Variants in ITGBL1 observed in about 807,000 individuals in gnomAD.
The protein encoded by ITGBL1 is integrin subunit beta like 1.
ITGBL1 carries 51 observed loss-of-function variants against 68.5 expected under a neutral mutation model. The observed-to-expected ratio is 0.74, with a 90% CI of 0.59 to 0.94. The LOEUF (loss-of-function observed/expected upper bound fraction) is 0.94, where lower values mean the gene tolerates loss of function less well. Among genes scored for constraint, ITGBL1 ranks in the 40% least tolerant of loss-of-function variants. The pLI, the probability that ITGBL1 is intolerant of heterozygous loss-of-function variation, is 0.00. For missense variants in ITGBL1, 649 were observed against 647.4 expected, an observed-to-expected ratio of 1.00 and a Z score of -0.03; for synonymous variants, 209 against 227.3, an observed-to-expected ratio of 0.92 and a Z score of 0.72.
intron 7 of ITGBL1, among the ~76,000 whole-genome samples, chr13:101,653,825 A>C (rs950479628): frequency 9.4e-5 from 14 of 148,890 alleles, no homozygotes; most frequent in Admixed American, 8.0e-4. Flanking sequence ...AGTAGCTGGG[A>C]CTACAGGTGC....
chr13:101,536,416 T>C (rs1261249873), intron 2 of ITGBL1, among the ~76,000 whole-genome samples: 2 of 151,962 alleles, frequency 1.3e-5, no homozygotes, highest in African/African-American at 4.8e-5. Flanking sequence ...AATTGTAAAA[T>C]AAATAACCAT....
chr13:101,608,122 T>C (rs1206388093), intron 7 of ITGBL1, among the ~76,000 whole-genome samples: 1 of 152,086 alleles, frequency 6.6e-6, no homozygotes, highest in Non-Finnish European at 1.5e-5. Context: ...TTATTTAATA[T>C]TGTAACTTCT....
At chr13:101,558,231 A>T (rs1205054569) in intron 2 of ITGBL1, among the ~76,000 whole-genome samples, 1 of 152,094 alleles carries the variant, frequency 6.6e-6, no homozygotes, top group Non-Finnish European at 1.5e-5. Context: ...CAGATATTGC[A>T]TGTTCTCACT....
chr13:101,488,914 T>G (rs1404120484), intron 2 of ITGBL1, among the ~76,000 whole-genome samples: 2 of 152,156 alleles, frequency 1.3e-5, no homozygotes, highest in African/African-American at 4.8e-5. Flanking sequence ...CAGGAAGCCA[T>G]TTTGCCTGCA....
rs534099748 is a variant in ITGBL1, at chr13:101,695,119, G to T, written c.1132+2418G>T. ...ATTCAATGGGAATATACATAACGGG[G>T]ATTTAACATAGGCTGAAGGCTAAGA... On this transcript the variant is annotated intron_variant, in intron 8 of 10. Transcript: ENST00000376180. 4.6e-5 allele frequency among the ~76,000 whole-genome samples: 7 copies of T among 152,212 alleles called. 1 individual carries two copies. The highest frequency in any genetic ancestry group is 1.7e-4 in the African/African-American group (7 of 41,542).
intron 7 of ITGBL1, among the ~76,000 whole-genome samples, chr13:101,602,959 T>C (rs1306060722): frequency 1.3e-5 from 2 of 152,156 alleles, no homozygotes; most frequent in Admixed American, 1.3e-4. Flanking sequence ...ACCACCGTTA[T>C]TTAACCCTTC....
In ITGBL1 at chr13:101,714,422, G is replaced by A; in HGVS notation, c.1280-16G>A. On this transcript the variant is annotated splice_polypyrimidine_tract_variant and intron_variant, in intron 9 of 10. Coordinates refer to ENST00000376180, the MANE Select transcript of ITGBL1 (RefSeq NM_004791.3). ...AGTTATAAGGTGATGGTGAGTAATA[G>A]CCTTTGTAATTTCAGGTTCTTGTCA... 1.4e-6 allele frequency: 2 copies of A among 1,420,866 alleles called. No individual in the cohort carries two copies. The highest frequency in any genetic ancestry group is 2.3e-5 in the East Asian group (1 of 43,796). The allele number at this position is 1,420,866 out of a possible 1,614,324, so 88.0% of individuals were successfully genotyped here.
chr13:101,643,716 C>A (rs2032466996), intron 7 of ITGBL1, among the ~76,000 whole-genome samples: 1 of 152,140 alleles, frequency 6.6e-6, no homozygotes, highest in African/African-American at 2.4e-5. Flanking sequence ...AATTTGAGAA[C>A]CAGCTGGATC....
At chr13:101,675,790 C>T (rs539106688) in intron 7 of ITGBL1, among the ~76,000 whole-genome samples, 138 of 152,210 alleles carry the variant, frequency 9.1e-4, no homozygotes, top group African/African-American at 3.1e-3. Context: ...CTTCTGAGAA[C>T]CCAATTAGAT....
intron 2 of ITGBL1, among the ~76,000 whole-genome samples, chr13:101,542,207 C>G (rs2049719305): frequency 6.6e-6 from 1 of 152,200 alleles, no homozygotes; most frequent in African/African-American, 2.4e-5. Flanking sequence ...CTATAAATTT[C>G]CCTGTACACA....
At chr13:101,580,834 G>A (rs1438000843) in intron 5 of ITGBL1, among the ~76,000 whole-genome samples, 2 of 152,140 alleles carry the variant, frequency 1.3e-5, no homozygotes, top group Admixed American at 6.5e-5. Flanking sequence ...TGTGAGAGAC[G>A]ATGTCCTTCA....
chr13:101,673,494 G>C (rs1057511746), intron 7 of ITGBL1, among the ~76,000 whole-genome samples: 3 of 152,080 alleles, frequency 2.0e-5, no homozygotes, highest in Non-Finnish European at 4.4e-5. Context: ...GCTGTACCTG[G>C]ATAAACCCCT....
chr13:101,659,039 ATTT>A (rs55935871), intron 7 of ITGBL1, among the ~76,000 whole-genome samples: 4 of 103,844 alleles, frequency 3.9e-5, no homozygotes, highest in Admixed American at 1.2e-4. Context: ...TGGTGATTGA[ATTT>A]TTTTTTTTTT....
intron 2 of ITGBL1, among the ~76,000 whole-genome samples, chr13:101,553,390 T>G (rs1269613635): frequency 6.6e-6 from 1 of 152,142 alleles, no homozygotes; most frequent in Non-Finnish European, 1.5e-5. Flanking sequence ...GCATATATAT[T>G]AAAATGCATT....
intron 7 of ITGBL1, among the ~76,000 whole-genome samples, chr13:101,605,263 G>T (rs2030704506): frequency 8.6e-6 from 1 of 115,840 alleles, no homozygotes; most frequent in Admixed American, 9.1e-5. Context: ...TACACATATA[G>T]ACATAGGCAT....
In ITGBL1 at chr13:101,622,725, A is replaced by G. The variant is rs144250838; in HGVS notation, c.1015+24426A>G. On this transcript the variant is annotated intron_variant, in intron 7 of 10. Coordinates refer to ENST00000376180, the MANE Select transcript of ITGBL1 (RefSeq NM_004791.3). ...TCTTTTAAATAAATGATCATGTACC[A>G]GTAATTACAGAACTGGTTCTAAACA... 2.2e-3 allele frequency among the ~76,000 whole-genome samples: 336 copies of G among 152,298 alleles called. 1 individual carries two copies. Among genetic ancestry groups the G allele is most frequent in the African/African-American group, 7.7e-3 (321 of 41,576 alleles).
chr13:101,603,294 GT>G (rs2030500725), intron 7 of ITGBL1, among the ~76,000 whole-genome samples: 1 of 151,966 alleles, frequency 6.6e-6, no homozygotes, highest in African/African-American at 2.4e-5. Context: ...ACTCCAGAAA[GT>G]GTCTCAGGTT....
chr13:101,581,781 G>T (rs2050461838), intron 5 of ITGBL1, among the ~76,000 whole-genome samples: 1 of 152,034 alleles, frequency 6.6e-6, no homozygotes, highest in Non-Finnish European at 1.5e-5. Context: ...TTTCTGTTGG[G>T]TACATTAATT....
chr13:101,468,669 G>T (rs2048416729), intron 2 of ITGBL1, among the ~76,000 whole-genome samples: 1 of 151,984 alleles, frequency 6.6e-6, no homozygotes, highest in African/African-American at 2.4e-5. Context: ...ACTTCTTTTT[G>T]GAAAAGTAGA....
Sources: allele counts gnomAD v4.1 joint callset (sites outside exome capture counted in the v4.1 genomes callset), GRCh38; gene constraint gnomAD v4.1.1; transcripts MANE v1.5; gene names NCBI Gene and HGNC (gene_info 2026-07-23, HGNC 2026-07-21).